The following SLC16A1 variants were observed in gnomAD, a reference collection of about 807,000 sequenced individuals.
SLC16A1 encodes solute carrier family 16 member 1, also known as monocarboxylate transporter 1.
Under a neutral mutation model 32.2 loss-of-function variants are expected in SLC16A1, and 11 were observed. The observed-to-expected ratio is 0.34, with a 90% CI of 0.21 to 0.56. The LOEUF (loss-of-function observed/expected upper bound fraction) is 0.56. SLC16A1 is among the 20% of genes least tolerant of loss of function. The pLI is 0.87. For synonymous variants in SLC16A1, 231 were observed against 226.8 expected (o/e 1.02, Z -0.17); for missense variants, 435 against 615.0 (o/e 0.71, Z 3.10).
rs893574793 is a variant in SLC16A1 at position 112,912,563 on chromosome 1, T to C, written c.*1328A>G. 2.0e-5 allele frequency: 3 copies of C among 152,192 alleles called. No individual in the cohort carries two copies. Among genetic ancestry groups the C allele is most frequent in the Non-Finnish European group, 2.9e-5 (2 of 68,026 alleles). The allele number at this position is 152,192 out of a possible 1,614,324, so 9.4% of individuals were successfully genotyped here. A position where few individuals can be genotyped will look rare whatever the true frequency, so the allele number is the denominator to read the frequency against. ...GGTCCACCTTCCCTCCTTATCCTTA[T>C]ACTGAATCCATTTCTCTACTTTTCA... On this transcript the variant is annotated 3_prime_UTR_variant, in exon 5 of 5. Transcript: ENST00000369626.
At chr1:112,924,125 C>G (rs1194487385) in intron 2 of SLC16A1, 2 of 1,396,410 alleles carry the variant, frequency 1.4e-6, no homozygotes, top group Admixed American at 1.7e-5. Flanking sequence ...ATGGCGCCAG[C>G]GCCCCCAGCA....
Position 112,929,243 on chromosome 1 carries a change from C to T in SLC16A1, c.66G>A (p.Val22=), listed in dbSNP as rs1402915266. The T allele has an allele frequency of 6.2e-7, 1 of 1,613,980 alleles. No individual in the cohort carries two copies. Among genetic ancestry groups the T allele is most frequent in the Non-Finnish European group, 8.5e-7 (1 of 1,180,024 alleles). Residue 22 remains valine, a synonymous_variant, in exon 2 of 5, where the codon GTG becomes GTA. Coordinates refer to ENST00000369626, the MANE Select transcript of SLC16A1 (RefSeq NM_003051.4). ...TPPDGGWGWA[V]VIGAFISIGF... ...CGATGGAAATGAAAGCTCCAATTAC[C>T]ACTGCCCAGCCCCAGCCTCCATCTG...
Position 112,917,266 on chromosome 1 carries a change from G to A in SLC16A1, c.1140C>T (p.Asp380=). Residue 380 remains aspartate (D), a synonymous_variant, in exon 4 of 5, where the codon GAC becomes GAT. Transcript: ENST00000369626. This position sits in a 1 kb window ranked among gnomAD's most constrained non-coding sequence, Gnocchi z 4.1. ...LSSVLFETLM[D]LVGPQRFSSA... ...TGGAGAACCTCTGGGGTCCAACAAG[G>A]TCCATCAATGTTTCAAACAATACGG... 1 of 1,614,154 alleles carries A rather than the reference G, an allele frequency of 6.2e-7. No individual in the cohort carries two copies. The highest frequency in any genetic ancestry group is 8.5e-7 in the Non-Finnish European group (1 of 1,180,030).
intron 1 of SLC16A1, among the ~76,000 whole-genome samples, chr1:112,936,672 T>C (rs935702437): frequency 2.0e-5 from 3 of 152,058 alleles, no homozygotes; most frequent in African/African-American, 4.8e-5. Flanking sequence ...TGAACCACCA[T>C]AAGAAATGGG....
At chr1:112,915,894 CTATGTGT>C (rs1648486614) in intron 4 of SLC16A1, among the ~76,000 whole-genome samples, 1 of 152,092 alleles carries the variant, frequency 6.6e-6, no homozygotes, top group African/African-American at 2.4e-5. Flanking sequence ...TATTTTTTCA[CTATGTGT>C]TATGTATTGA....
intron 1 of SLC16A1, among the ~76,000 whole-genome samples, chr1:112,948,384 A>C (rs1357588855): frequency 6.6e-6 from 1 of 152,234 alleles, no homozygotes; most frequent in Non-Finnish European, 1.5e-5. Flanking sequence ...CAGCACCATT[A>C]AATAGCCTTT....
At chr1:112,940,059 T>TG (rs1273127411) in intron 1 of SLC16A1, among the ~76,000 whole-genome samples, 2 of 147,906 alleles carry the variant, frequency 1.4e-5, no homozygotes, top group Non-Finnish European at 3.0e-5. Flanking sequence ...TTTTTTTTTT[T>TG]TTTTTAAAGA....
At chr1:112,920,831 A>G (rs1048450332) in intron 3 of SLC16A1, among the ~76,000 whole-genome samples, 1 of 152,012 alleles carries the variant, frequency 6.6e-6, no homozygotes, top group African/African-American at 2.4e-5. Context: ...TTTTAAAAAT[A>G]CTTTTTAACA....
At position 112,913,770 on chromosome 1, in the gene SLC16A1, A is replaced by G; in HGVS notation, c.*121T>C. On this transcript the variant is annotated 3_prime_UTR_variant, in exon 5 of 5. Coordinates refer to ENST00000369626, the MANE Select transcript of SLC16A1 (RefSeq NM_003051.4). ...AAAATCCCATCAATGAACAACTGGT[A>G]TGATTTCCACACAAATGTCTACTAT... is the stretch of plus-strand genomic sequence containing the variant. 1 of 1,242,812 alleles carries G rather than the reference A, an allele frequency of 8.0e-7. No homozygotes were observed. 77.0% of individuals were successfully genotyped at this position (1,242,812 alleles called of 1,614,324 possible). A position where few individuals can be genotyped will look rare whatever the true frequency, so the allele number is the denominator to read the frequency against.
chr1:112,930,960 C>T (rs1649107878), intron 1 of SLC16A1, among the ~76,000 whole-genome samples: 1 of 152,146 alleles, frequency 6.6e-6, no homozygotes, highest in Non-Finnish European at 1.5e-5. Context: ...CTCAGGTGAT[C>T]CACCCACCTT....
rs2101620962 is a variant in SLC16A1 at position 112,917,155 on chromosome 1, A to G, written c.1228+23T>C. On this transcript the variant is annotated intron_variant, in intron 4 of 4. Coordinates refer to ENST00000369626, the MANE Select transcript of SLC16A1 (RefSeq NM_003051.4). This position sits in a 1 kb window ranked among gnomAD's most constrained non-coding sequence, Gnocchi z 4.1. Reference sequence around the variant, plus strand: ...CATGCTTGTTTTGTAATAGACCCACATTAGTAGGGAGATATACTATACCTA... The same window carrying G: ...CATGCTTGTTTTGTAATAGACCCACGTTAGTAGGGAGATATACTATACCTA... 1 of 1,614,058 alleles carries G rather than the reference A, an allele frequency of 6.2e-7. No homozygotes were observed. The highest frequency in any genetic ancestry group is 8.5e-7 in the Non-Finnish European group (1 of 1,179,954).
At chr1:112,920,424 A>G (rs1292967218) in intron 3 of SLC16A1, among the ~76,000 whole-genome samples, 1 of 151,874 alleles carries the variant, frequency 6.6e-6, no homozygotes, top group Non-Finnish European at 1.5e-5. Flanking sequence ...TGCACAACAT[A>G]GTGAAACCCC....
chr1:112,946,352 C>G (rs1446178819), intron 1 of SLC16A1, among the ~76,000 whole-genome samples: 1 of 151,830 alleles, frequency 6.6e-6, no homozygotes, highest in Non-Finnish European at 1.5e-5. Context: ...CAGGCGGATC[C>G]ACTTGAGTTA....
At chr1:112,929,385 T>C in intron 1 of SLC16A1, 33 bp from the exon 2 acceptor site, 3 of 1,171,696 alleles carry the variant, frequency 2.6e-6, no homozygotes, top group Non-Finnish European at 3.8e-6. Flanking sequence ...AGTATGTCAA[T>C]ATAAGGCACA....
At chr1:112,914,471 A>T (rs1223495719) in intron 4 of SLC16A1, among the ~76,000 whole-genome samples, 1 of 152,196 alleles carries the variant, frequency 6.6e-6, no homozygotes, top group Non-Finnish European at 1.5e-5. Flanking sequence ...ACACTATAGA[A>T]ATAAGTGTTG....
chr1:112,934,523 C>A (rs1649234263), intron 1 of SLC16A1, among the ~76,000 whole-genome samples: 1 of 152,138 alleles, frequency 6.6e-6, no homozygotes, highest in Non-Finnish European at 1.5e-5. Context: ...TTTATTATGT[C>A]AATTATACCT....
chr1:112,915,848 C>T (rs1297699474), intron 4 of SLC16A1, among the ~76,000 whole-genome samples: 2 of 152,132 alleles, frequency 1.3e-5, no homozygotes, highest in African/African-American at 4.8e-5. Context: ...ATCAAAGTTC[C>T]TAAAGTATGA....
chr1:112,913,729 G>T lies in SLC16A1; in HGVS notation c.*162C>A. On this transcript the variant is annotated 3_prime_UTR_variant, in exon 5 of 5. Coordinates refer to ENST00000369626, the MANE Select transcript of SLC16A1 (RefSeq NM_003051.4). ...ATTCCCTCCTCAAATTCAGGCTATT[G>T]GTAAGGAGTCAAACAAAAATCCCAT... 2 of 794,738 alleles carry T rather than the reference G, an allele frequency of 2.5e-6. No individual in the cohort carries two copies. Among genetic ancestry groups the T allele is most frequent in the Non-Finnish European group, 4.2e-6 (2 of 470,788 alleles). The allele number at this position is 794,738 out of a possible 1,614,324, so 49.2% of individuals were successfully genotyped here.
At chr1:112,930,595 G>A (rs750633848) in intron 1 of SLC16A1, among the ~76,000 whole-genome samples, 4 of 151,886 alleles carry the variant, frequency 2.6e-5, no homozygotes, top group Non-Finnish European at 5.9e-5. Flanking sequence ...AATCATAATT[G>A]AAATAAATCC....
Sources: gnomAD v4.1 joint callset for allele counts (sites outside exome capture counted in the v4.1 genomes callset) on GRCh38, gnomAD v4.1.1 for gene constraint, Gnocchi (gnomAD v3.1) non-coding constraint, MANE v1.5 for transcripts, NCBI Gene and HGNC (gene_info 2026-07-23, HGNC 2026-07-21) for gene names.